The following IRF4 variants were observed in gnomAD, a reference collection of about 807,000 sequenced individuals.
IRF4 encodes the protein interferon regulatory factor 4.
IRF4 carries 13 observed loss-of-function variants against 55.5 expected under a neutral mutation model. The observed-to-expected ratio is 0.23, with a 90% confidence interval of 0.15 to 0.37. The LOEUF is 0.37. Among genes scored for constraint, IRF4 ranks in the 10% least tolerant of loss-of-function variants. The pLI is 1.00. For missense variants in IRF4, 397 were observed against 593.8 expected, an observed-to-expected ratio of 0.67 and a Z score of 3.44; for synonymous variants, 249 against 240.7, an observed-to-expected ratio of 1.03 and a Z score of -0.32.
chr6:401,273 C>T, intron 6 of IRF4, 151 bp from the exon 7 acceptor site: 1 of 622,248 alleles, frequency 1.6e-6, no homozygotes, highest in Non-Finnish European at 2.8e-6. Context: ...CGCTGTGTTT[C>T]CCAGGCCTCC....
At chr6:405,582 C>A (rs181378840) in intron 8 of IRF4, among the ~76,000 whole-genome samples, 193 of 152,260 alleles carry the variant, frequency 1.3e-3, no homozygotes, top group South Asian at 4.8e-3. Flanking sequence ...TTTTGTAGGT[C>A]TCTGCAGCTG....
Position 411,076 on chromosome 6 carries a change from G to A in IRF4, c.*3478G>A. The A allele has an allele frequency of 4.3e-6, 1 of 233,504 alleles. No homozygotes were observed. The highest frequency in any genetic ancestry group is 8.5e-6 in the Non-Finnish European group (1 of 118,100). The allele number at this position is 233,504 out of a possible 1,614,324, so 14.5% of individuals were successfully genotyped here. A position where few individuals can be genotyped will look rare whatever the true frequency, so the allele number is the denominator to read the frequency against. The stretch of plus-strand genomic sequence containing the variant: ...TGAAGTAGAGGGGACGTGAGAGAAG[G>A]GCCAGGCCGGCAGGCCAACCCTCCT... On this transcript the variant is annotated 3_prime_UTR_variant, in exon 9 of 9. Transcript: ENST00000380956.
At chr6:407,414 A>C in intron 8 of IRF4, 41 bp from the exon 9 acceptor site, 1 of 1,570,106 alleles carries the variant, frequency 6.4e-7, no homozygotes, top group Non-Finnish European at 8.6e-7. Flanking sequence ...AGCCAGTTGC[A>C]GGATATCTCA....
intron 7 of IRF4, among the ~76,000 whole-genome samples, chr6:404,178 G>A (rs768936174): frequency 3.3e-5 from 5 of 152,232 alleles, no homozygotes; most frequent in East Asian, 3.9e-4. Context: ...TTTTGCGGGC[G>A]TGACATTTTA....
At chr6:401,865 G>C (rs758212300) in intron 7 of IRF4, 88 bp downstream of exon 7, 1 of 1,199,446 alleles carries the variant, frequency 8.3e-7, no homozygotes. Flanking sequence ...TCCCACCCCA[G>C]GCTGAGGTCT....
intron 6 of IRF4, among the ~76,000 whole-genome samples, chr6:399,979 A>G (rs1761357305): frequency 6.6e-6 from 1 of 152,206 alleles, no homozygotes; most frequent in Non-Finnish European, 1.5e-5. Flanking sequence ...GAAGAGTAGG[A>G]AATAAACAGC....
At position 410,103 on chromosome 6, in the gene IRF4, G is replaced by A. The variant is rs749600670; in HGVS notation, c.*2505G>A. 1.8e-5 allele frequency: 4 copies of A among 226,646 alleles called. No individual in the cohort carries two copies. Among genetic ancestry groups the A allele is most frequent in the Non-Finnish European group, 3.5e-5 (4 of 113,962 alleles). The allele number at this position is 226,646 out of a possible 1,614,324, so 14.0% of individuals were successfully genotyped here. On this transcript the variant is annotated 3_prime_UTR_variant, in exon 9 of 9. Coordinates refer to ENST00000380956, the MANE Select transcript of IRF4 (RefSeq NM_002460.4). ...TTGTCTCAGGACTCTGAAAAGGAAC[G>A]GCTTCCTCATTCCTTGTCTTGATAA... is the stretch of plus-strand genomic sequence containing the variant.
intron 7 of IRF4, 81 bp downstream of exon 7, chr6:401,858 C>G (rs568377443): frequency 5.0e-5 from 65 of 1,294,270 alleles, no homozygotes; most frequent in Non-Finnish European, 6.8e-5. Context: ...GGGTCCCTCC[C>G]ACCCCAGGCT....
At chr6:391,941 C>G (rs746213371) in intron 1 of IRF4, 132 bp downstream of exon 1, 13 of 434,290 alleles carry the variant, frequency 3.0e-5, no homozygotes, top group African/African-American at 1.2e-4. Flanking sequence ...GAGCGCGCCC[C>G]GTCCTGGAGC....
rs1761590297 is a variant in IRF4, at chr6:407,778, A to G, written c.*180A>G. ...CTCAGCCTCCCTGGTAGCTGGGATT[A>G]CAGGTGTGAGCCACTGCACCCACCC... On this transcript the variant is annotated 3_prime_UTR_variant, in exon 9 of 9. Coordinates refer to ENST00000380956, the MANE Select transcript of IRF4 (RefSeq NM_002460.4). 3.3e-6 allele frequency: 2 copies of G among 604,274 alleles called. No homozygotes were observed. Among genetic ancestry groups the G allele is most frequent in the South Asian group, 2.1e-5 (1 of 47,022 alleles). 37.4% of individuals were successfully genotyped at this position (604,274 alleles called of 1,614,324 possible). A position where few individuals can be genotyped will look rare whatever the true frequency, so the allele number is the denominator to read the frequency against.
intron 8 of IRF4, among the ~76,000 whole-genome samples, chr6:406,104 C>G (rs1338541885): frequency 6.6e-6 from 1 of 152,164 alleles, no homozygotes; most frequent in Non-Finnish European, 1.5e-5. Flanking sequence ...GTATATAATC[C>G]CATAGACTCA....
chr6:403,290 T>C (rs549057847), intron 7 of IRF4, among the ~76,000 whole-genome samples: 7 of 152,380 alleles, frequency 4.6e-5, no homozygotes, highest in Admixed American at 2.0e-4. Context: ...CAGCATCTCC[T>C]GTGTCTGCCT....
intron 5 of IRF4, 94 bp downstream of exon 5, chr6:397,346 G>C: frequency 6.9e-7 from 1 of 1,451,096 alleles, no homozygotes. Flanking sequence ...CAGCACCAAA[G>C]CTCTTTCCCC....
At chr6:407,316 C>G in intron 8 of IRF4, 139 bp from the exon 9 acceptor site, 1 of 802,890 alleles carries the variant, frequency 1.2e-6, no homozygotes, top group East Asian at 3.0e-5. Context: ...TAGATGGCTC[C>G]AAATATGAAA....
intron 8 of IRF4, among the ~76,000 whole-genome samples, chr6:406,162 T>C (rs1195409689): frequency 3.3e-5 from 5 of 152,242 alleles, no homozygotes; most frequent in Admixed American, 2.0e-4. Flanking sequence ...ATAATTGATA[T>C]GATTGTTGAA....
chr6:395,779 A>T (rs1320510762), intron 3 of IRF4, 68 bp from the exon 4 acceptor site: 2 of 1,149,088 alleles, frequency 1.7e-6, no homozygotes, highest in Non-Finnish European at 2.6e-6. Flanking sequence ...TTTTTACAAG[A>T]TTTGACATTT....
At position 391,773 on chromosome 6, in the gene IRF4, G is replaced by C. The variant is rs947407863; in HGVS notation, c.-92G>C. The C allele has an allele frequency of 8.8e-6, 4 of 456,060 alleles. No individual in the cohort carries two copies. The highest frequency in any genetic ancestry group is 6.0e-5 in the African/African-American group (3 of 50,068). The allele number at this position is 456,060 out of a possible 1,614,324, so 28.3% of individuals were successfully genotyped here. A position where few individuals can be genotyped will look rare whatever the true frequency, so the allele number is the denominator to read the frequency against. On this transcript the variant is annotated 5_prime_UTR_variant, in exon 1 of 9. Coordinates refer to ENST00000380956, the MANE Select transcript of IRF4 (RefSeq NM_002460.4). ...TCTCAGTTTCACCGCTCGATCTTGG[G>C]ACCCACCGCTGCCCTCAGCTCCGAG... is the stretch of plus-strand genomic sequence containing the variant.
rs1761590872 is a variant in IRF4, at chr6:407,815, T to C, written c.*217T>C. On this transcript the variant is annotated 3_prime_UTR_variant, in exon 9 of 9. Coordinates refer to ENST00000380956, the MANE Select transcript of IRF4 (RefSeq NM_002460.4). ...CACTGCACCCACCCAAGACAAGTGA[T>C]TTTCATTGTAAATATTTGACTTTAG... 2.0e-6 allele frequency: 1 copy of C among 508,864 alleles called. No individual in the cohort carries two copies. Among genetic ancestry groups the C allele is most frequent in the African/African-American group, 2.0e-5 (1 of 50,136 alleles). 31.5% of individuals were successfully genotyped at this position (508,864 alleles called of 1,614,324 possible).
Position 410,801 on chromosome 6 carries a change from T to C in IRF4, c.*3203T>C, listed in dbSNP as rs1421944909. On this transcript the variant is annotated 3_prime_UTR_variant, in exon 9 of 9. Transcript: ENST00000380956. ...CTGAAAGTGTTGGGATTGGTTAAGGTCTTTATTTGTATTACGTATCTCCCC... is the reference window on the plus strand; with the variant it reads ...CTGAAAGTGTTGGGATTGGTTAAGGCCTTTATTTGTATTACGTATCTCCCC... 1 of 232,472 alleles carries C rather than the reference T, an allele frequency of 4.3e-6. No individual in the cohort carries two copies. The highest frequency in any genetic ancestry group is 2.2e-5 in the African/African-American group (1 of 45,406). The allele number at this position is 232,472 out of a possible 1,614,324, so 14.4% of individuals were successfully genotyped here. A position where few individuals can be genotyped will look rare whatever the true frequency, so the allele number is the denominator to read the frequency against.
Sources: allele counts gnomAD v4.1 joint callset (sites outside exome capture counted in the v4.1 genomes callset), GRCh38; gene constraint gnomAD v4.1.1; transcripts MANE v1.5; gene names NCBI Gene and HGNC (gene_info 2026-07-23, HGNC 2026-07-21).